Variants in FGF10 observed in about 807,000 individuals in gnomAD.
FGF10 encodes FGF-10.
In FGF10, 2 loss-of-function variants were observed where a neutral mutation model predicts 19.8. The observed-to-expected ratio is 0.10, with a 90% CI of 0.04 to 0.32. FGF10 has a LOEUF of 0.32. FGF10 is among the 10% of genes least tolerant of loss of function. The pLI is 1.00. For synonymous variants in FGF10, 112 were observed against 94.0 expected, an observed-to-expected ratio of 1.19 and a Z score of -1.10; for missense variants, 191 against 246.3, an observed-to-expected ratio of 0.78 and a Z score of 1.50.
intron 1 of FGF10, among the ~76,000 whole-genome samples, chr5:44,359,196 C>T (rs868540473): frequency 4.6e-5 from 7 of 151,310 alleles, no homozygotes; most frequent in African/African-American, 1.2e-4. Flanking sequence ...ATTTATGTGC[C>T]AGTAAAGTTT....
chr5:44,343,157 T>G (rs1379425500), intron 1 of FGF10, among the ~76,000 whole-genome samples: 1 of 152,004 alleles, frequency 6.6e-6, no homozygotes. Context: ...TTAAAAAATT[T>G]TTTTGAATTT....
chr5:44,331,783 A>G (rs1740741055), intron 1 of FGF10, among the ~76,000 whole-genome samples: 1 of 152,144 alleles, frequency 6.6e-6, no homozygotes, highest in Non-Finnish European at 1.5e-5. Context: ...GGCTGTTAAT[A>G]ACACATAACC....
At chr5:44,342,999 A>G (rs952750272) in intron 1 of FGF10, among the ~76,000 whole-genome samples, 4 of 152,014 alleles carry the variant, frequency 2.6e-5, no homozygotes, top group African/African-American at 9.7e-5. Context: ...TCAGGAAAGA[A>G]GCATTTCCAG....
intron 1 of FGF10, among the ~76,000 whole-genome samples, chr5:44,336,045 G>A (rs1341156267): frequency 6.6e-6 from 1 of 151,928 alleles, no homozygotes; most frequent in African/African-American, 2.4e-5. Flanking sequence ...GATGAATAAG[G>A]TAGAATTGTT....
At chr5:44,311,558 G>T (rs1740211573) in intron 1 of FGF10, among the ~76,000 whole-genome samples, 1 of 151,906 alleles carries the variant, frequency 6.6e-6, no homozygotes, top group Admixed American at 6.6e-5. Context: ...TTGCAAAATG[G>T]GCAACATAAT....
intron 1 of FGF10, among the ~76,000 whole-genome samples, chr5:44,384,095 G>C (rs1742046289): frequency 6.6e-6 from 1 of 151,926 alleles, no homozygotes; most frequent in Non-Finnish European, 1.5e-5. Flanking sequence ...GCCCTTTTTA[G>C]AGTCATATAT....
chr5:44,357,197 G>A (rs1741368690), intron 1 of FGF10, among the ~76,000 whole-genome samples: 1 of 151,192 alleles, frequency 6.6e-6, no homozygotes, highest in African/African-American at 2.4e-5. Flanking sequence ...CCCTAAAGTT[G>A]GAAAAACTTA....
At chr5:44,312,968 G>A (rs950107243) in intron 1 of FGF10, among the ~76,000 whole-genome samples, 1 of 151,986 alleles carries the variant, frequency 6.6e-6, no homozygotes, top group African/African-American at 2.4e-5. Flanking sequence ...ATTATATTTA[G>A]CTTAGATACC....
At chr5:44,373,302 G>A (rs754148375) in intron 1 of FGF10, among the ~76,000 whole-genome samples, 7 of 152,110 alleles carry the variant, frequency 4.6e-5, no homozygotes, top group Non-Finnish European at 8.8e-5. Flanking sequence ...CGTACCCTTA[G>A]CCTTCTCTTC....
At chr5:44,377,804 T>C (rs1292074955) in intron 1 of FGF10, among the ~76,000 whole-genome samples, 1 of 152,230 alleles carries the variant, frequency 6.6e-6, no homozygotes, top group Non-Finnish European at 1.5e-5. Flanking sequence ...ACAAAACTAA[T>C]TTGTGGTTTA....
Position 44,326,293 on chromosome 5 carries a change from CT to C in FGF10, c.326-15764del, listed in dbSNP as rs776156595. On this transcript the variant is annotated intron_variant, in intron 1 of 2. Transcript: ENST00000264664. ...AAATGTTTAGTGTGCAGATTTCAAA[CT>C]CTTTCAACATTCTGATCTCTGATCA... 5.3e-5 allele frequency among the ~76,000 whole-genome samples: 8 copies of C among 152,272 alleles called. No homozygotes were observed. The South Asian group carries it at 1.7e-3, about 32-fold the overall frequency.
chr5:44,330,921 C>T (rs548887316), intron 1 of FGF10, among the ~76,000 whole-genome samples: 10 of 152,150 alleles, frequency 6.6e-5, no homozygotes, highest in East Asian at 1.9e-4. Context: ...AAAAAATGGA[C>T]GTTTTCTTCA....
At chr5:44,325,124 A>T (rs1303220498) in intron 1 of FGF10, among the ~76,000 whole-genome samples, 1 of 152,224 alleles carries the variant, frequency 6.6e-6, no homozygotes, top group Non-Finnish European at 1.5e-5. Flanking sequence ...GCCAAAAGAC[A>T]CATGAAAAAA....
At chr5:44,347,384 T>C (rs529569037) in intron 1 of FGF10, among the ~76,000 whole-genome samples, 1 of 151,818 alleles carries the variant, frequency 6.6e-6, no homozygotes, top group Admixed American at 6.6e-5. Context: ...GAGCAACCCT[T>C]TATAATATGG....
intron 1 of FGF10, among the ~76,000 whole-genome samples, chr5:44,322,018 C>T (rs1740504443): frequency 6.6e-6 from 1 of 152,162 alleles, no homozygotes; most frequent in African/African-American, 2.4e-5. Context: ...CCGCCTTAGC[C>T]TCCCAAAGTG....
intron 1 of FGF10, among the ~76,000 whole-genome samples, chr5:44,347,119 T>A (rs1161983083): frequency 6.6e-6 from 1 of 151,784 alleles, no homozygotes; most frequent in East Asian, 1.9e-4. Flanking sequence ...ACTCAATAAA[T>A]ATTTGTAGAA....
intron 1 of FGF10, among the ~76,000 whole-genome samples, chr5:44,354,945 T>C (rs973152273): frequency 6.6e-6 from 1 of 151,498 alleles, no homozygotes; most frequent in Non-Finnish European, 1.5e-5. Context: ...ACTACCATTA[T>C]AATACCAGTT....
chr5:44,372,861 G>A (rs932476175), intron 1 of FGF10, among the ~76,000 whole-genome samples: 2 of 152,194 alleles, frequency 1.3e-5, no homozygotes, highest in Non-Finnish European at 2.9e-5. Context: ...CAAGGCCTGG[G>A]AATCAGCCTC....
At chr5:44,349,445 T>TATATATATATATCAGA (rs1554038121) in intron 1 of FGF10, among the ~76,000 whole-genome samples, 29 of 13,846 alleles carry the variant, frequency 2.1e-3, no homozygotes, top group Non-Finnish European at 6.0e-4. Flanking sequence ...TATATATATA[T>TATATATATATATCAGA]ATATATATAT....
Sources: allele counts gnomAD v4.1 joint callset (sites outside exome capture counted in the v4.1 genomes callset), GRCh38; gene constraint gnomAD v4.1.1; transcripts MANE v1.5; gene names NCBI Gene and HGNC (gene_info 2026-07-23, HGNC 2026-07-21).